The following CCDC88C variants were observed in gnomAD, a reference collection of about 807,000 sequenced individuals.
CCDC88C encodes the protein coiled-coil and HOOK domain protein 88C.
A neutral mutation model predicts 198.8 loss-of-function variants in CCDC88C; 131 were observed. The ratio of observed to expected loss-of-function variants is 0.66; its 90% CI spans 0.57 to 0.76. CCDC88C has a LOEUF of 0.76. Ranked by LOEUF, CCDC88C falls within the 30% of genes least tolerant of loss-of-function variation. CCDC88C has a pLI of 0.00. For synonymous variants in CCDC88C, 1,166 were observed against 1,114.7 expected (o/e 1.05, Z -0.92); for missense variants, 2,553 against 2,631.6 (o/e 0.97, Z 0.65).
At chr14:91,390,916 T>C (rs1885471411) in intron 3 of CCDC88C, among the ~76,000 whole-genome samples, 1 of 152,178 alleles carries the variant, frequency 6.6e-6, no homozygotes, top group Admixed American at 6.5e-5. Context: ...TTTTAAGGTC[T>C]TGGGCTCTGG....
rs1459374301 is a variant in CCDC88C, at chr14:91,309,918, C to T, written c.2805G>A (p.Leu935=). 3 of 1,609,730 alleles carry T rather than the reference C, an allele frequency of 1.9e-6. No homozygotes were observed. The highest frequency in any genetic ancestry group is 2.5e-6 in the Non-Finnish European group (3 of 1,178,094). Residue 935 remains leucine (L), a synonymous_variant, in exon 16 of 30, where the codon CTG becomes CTA. Coordinates refer to ENST00000389857, the MANE Select transcript of CCDC88C (RefSeq NM_001080414.4). ...GCTCCCTGTTGAGGCCGACCTTCTCCAGTTCCTGGCTCAGCTTGTCCAGCT... is the reference window on the plus strand; with the variant it reads ...GCTCCCTGTTGAGGCCGACCTTCTCTAGTTCCTGGCTCAGCTTGTCCAGCT... The part of the protein sequence containing the change: ...SSELDKLSQE[L]EKVGLNRELL...
chr14:91,395,654 G>T (rs534728310), intron 3 of CCDC88C, among the ~76,000 whole-genome samples: 1 of 151,904 alleles, frequency 6.6e-6, no homozygotes, highest in Non-Finnish European at 1.5e-5. Flanking sequence ...TCCCCCAGCC[G>T]AGAAGGCAAA....
At chr14:91,400,335 A>AC (rs1187393545) in intron 3 of CCDC88C, among the ~76,000 whole-genome samples, 2 of 151,888 alleles carry the variant, frequency 1.3e-5, no homozygotes, top group Admixed American at 6.6e-5. Context: ...AGGACGGGGG[A>AC]CCCCCCGCAG....
In CCDC88C at chr14:91,352,957, C is replaced by T. The variant is rs1321265355; in HGVS notation, c.340+6685G>A. Among the ~76,000 whole-genome samples the T allele has an allele frequency of 6.6e-6, 1 of 152,230 alleles. No homozygotes were observed. The highest frequency in any genetic ancestry group is 2.4e-5 in the African/African-American group (1 of 41,460). On this transcript the variant is annotated intron_variant, in intron 4 of 29. Coordinates refer to ENST00000389857, the MANE Select transcript of CCDC88C (RefSeq NM_001080414.4). This position sits in a 1 kb window ranked among gnomAD's most constrained non-coding sequence, Gnocchi z 4.2. The stretch of plus-strand genomic sequence containing the variant: ...TGGAGGTCAGTAAGCCTGGGGCACA[C>T]CCAGCCCTCACAAGTTCCCCGGGGC...
At position 91,339,214 on chromosome 14, in the gene CCDC88C, C is replaced by T. The variant is rs1893195966; in HGVS notation, c.809+64G>A. On this transcript the variant is annotated intron_variant, in intron 8 of 29. Transcript: ENST00000389857. This position sits in a 1 kb window ranked among gnomAD's most constrained non-coding sequence, Gnocchi z 5.8. ...CATTGGCAGCACCACACATGTGAGTCGACACCACACCAGAAACATGTCTGC... is the reference window on the plus strand; with the variant it reads ...CATTGGCAGCACCACACATGTGAGTTGACACCACACCAGAAACATGTCTGC... The T allele has an allele frequency of 1.1e-5, 17 of 1,572,628 alleles. No individual in the cohort carries two copies. The highest frequency in any genetic ancestry group is 2.3e-4 in the Middle Eastern group (1 of 4,394).
intron 25 of CCDC88C, chr14:91,285,405 C>T (rs983821364): frequency 6.6e-6 from 3 of 455,370 alleles, no homozygotes; most frequent in South Asian, 4.7e-5. Context: ...TTAGTACGGA[C>T]ATCCTGGCCC....
At chr14:91,290,270 TCAAAACAAAA>T (rs572336256) in intron 24 of CCDC88C, among the ~76,000 whole-genome samples, 32 of 152,262 alleles carry the variant, frequency 2.1e-4, no homozygotes, top group East Asian at 1.2e-3. Context: ...AGACTCCGTC[TCAAAACAAAA>T]CAAAACAAAA....
intron 10 of CCDC88C, among the ~76,000 whole-genome samples, chr14:91,328,970 A>C (rs1293834496): frequency 6.6e-6 from 1 of 152,176 alleles, no homozygotes; most frequent in East Asian, 1.9e-4. Context: ...CTCTGTAGCA[A>C]CCACGATGCC....
rs536944925 is a variant in CCDC88C at position 91,297,368 on chromosome 14, G to C, written c.3903C>G (p.Asp1301Glu). ...LELNRWQARF[D>E]ELKEQHQTMD... is the part of the protein sequence containing the mutation. ...TGGTCTGGTGCTGCTCCTTCAGCTCGTCGAAGCGGGCCTGCCAGCGGTTGA... is the reference window on the plus strand; with the variant it reads ...TGGTCTGGTGCTGCTCCTTCAGCTCCTCGAAGCGGGCCTGCCAGCGGTTGA... The change falls in exon 22 of 30, where the codon GAC (aspartate) becomes GAG (glutamate). Residue 1301 changes from aspartate to glutamate, a missense_variant. Coordinates refer to ENST00000389857, the MANE Select transcript of CCDC88C (RefSeq NM_001080414.4). The C allele has an allele frequency of 1.2e-6, 2 of 1,613,504 alleles. No individual in the cohort carries two copies. Among genetic ancestry groups the C allele is most frequent in the Admixed American group, 1.7e-5 (1 of 59,928 alleles).
At chr14:91,299,146 C>A (rs1298096295) in intron 21 of CCDC88C, among the ~76,000 whole-genome samples, 1 of 152,178 alleles carries the variant, frequency 6.6e-6, no homozygotes, top group Non-Finnish European at 1.5e-5. Context: ...CAATACATAA[C>A]CTTGTTTTAT....
chr14:91,297,151 C>T (rs1428748693), intron 22 of CCDC88C, among the ~76,000 whole-genome samples, 154 bp downstream of exon 22: 2 of 152,260 alleles, frequency 1.3e-5, no homozygotes, highest in African/African-American at 4.8e-5. Context: ...CCGTCAGCAC[C>T]TCTGGCTTCA....
chr14:91,402,530 G>A (rs568120489), intron 3 of CCDC88C, among the ~76,000 whole-genome samples: 159 of 152,286 alleles, frequency 1.0e-3, no homozygotes, highest in African/African-American at 3.7e-3. Flanking sequence ...AGTGTGTATA[G>A]TGTGCACACA....
Position 91,325,295 on chromosome 14 carries a change from A to C in CCDC88C, c.1198-372T>G, listed in dbSNP as rs1892535533. ...AGCTGTTAACAGGCTAACAAATCAC[A>C]GCTCACCCCACACCATCAACACTGG... On this transcript the variant is annotated intron_variant, in intron 11 of 29. Transcript: ENST00000389857. This position sits in a 1 kb window ranked among gnomAD's most constrained non-coding sequence, Gnocchi z 4.1. 6.6e-6 allele frequency among the ~76,000 whole-genome samples: 1 copy of C among 152,218 alleles called. No homozygotes were observed. Among genetic ancestry groups the C allele is most frequent in the Non-Finnish European group, 1.5e-5 (1 of 68,030 alleles).
chr14:91,283,569 G>A, intron 25 of CCDC88C, 52 bp from the exon 26 acceptor site: 3 of 1,531,624 alleles, frequency 2.0e-6, no homozygotes, highest in Non-Finnish European at 1.8e-6. Context: ...CTGTACCCAG[G>A]CTGGGAAACC....
chr14:91,291,149 T>C (rs1034799489), intron 23 of CCDC88C, 65 bp from the exon 24 acceptor site: 2 of 960,244 alleles, frequency 2.1e-6, no homozygotes, highest in Admixed American at 4.0e-5. Context: ...AATTTACTCA[T>C]CGGCCCAGCC....
Position 91,325,248 on chromosome 14 carries a change from C to G in CCDC88C, c.1198-325G>C, listed in dbSNP as rs756720198. 6.6e-6 allele frequency among the ~76,000 whole-genome samples: 1 copy of G among 152,186 alleles called. No homozygotes were observed. Among genetic ancestry groups the G allele is most frequent in the African/African-American group, 2.4e-5 (1 of 41,440 alleles). On this transcript the variant is annotated intron_variant, in intron 11 of 29. Coordinates refer to ENST00000389857, the MANE Select transcript of CCDC88C (RefSeq NM_001080414.4). The surrounding 1 kb of genome is among the most constrained non-coding windows in gnomAD (Gnocchi z 4.1). ...GTGATGGGCAGCTCTGTGGCTCTAG[C>G]GAAGCCCTAACAGGCCTCTAAAGCT...
chr14:91,294,950 G>A (rs985494673), intron 22 of CCDC88C, among the ~76,000 whole-genome samples: 8 of 152,336 alleles, frequency 5.3e-5, no homozygotes, highest in Middle Eastern at 3.4e-3. Context: ...GAACCACCGC[G>A]CCTGGCCTGA....
Position 91,273,423 on chromosome 14 carries a change from TG to T in CCDC88C, c.5288del (p.Pro1763HisfsTer39). 1 of 1,569,404 alleles carries T rather than the reference TG, an allele frequency of 6.4e-7. No homozygotes were observed. The highest frequency in any genetic ancestry group is 8.6e-7 in the Non-Finnish European group (1 of 1,156,112). On this transcript the variant is annotated frameshift_variant, in exon 30 of 30. Coordinates refer to ENST00000389857, the MANE Select transcript of CCDC88C (RefSeq NM_001080414.4). LOFTEE classifies it low-confidence loss of function (END_TRUNC). This position sits in a 1 kb window ranked among gnomAD's most constrained non-coding sequence, Gnocchi z 5.6. ...GGGCCTGTCTCGGGGCCACGCTGGG[TG>T]GGGCCTCGGCCTCAGTCAGTCTGAA... Reference protein sequence around the residue: ...PNFRLTEAEAPPSVAPRQAQP... With the variant: ...PNFRLTEAEAXPSVAPRQAQP...
chr14:91,406,442 T>C (rs1310752038), intron 3 of CCDC88C, among the ~76,000 whole-genome samples: 1 of 152,206 alleles, frequency 6.6e-6, no homozygotes, highest in African/African-American at 2.4e-5. Context: ...CCCAGTGCTA[T>C]ACCACTGGCT....
Sources: gnomAD v4.1 joint callset for allele counts (sites outside exome capture counted in the v4.1 genomes callset) on GRCh38, gnomAD v4.1.1 for gene constraint, Gnocchi (gnomAD v3.1) non-coding constraint, MANE v1.5 for transcripts, NCBI Gene and HGNC (gene_info 2026-07-23, HGNC 2026-07-21) for gene names.